LEPR: variants seen among roughly 807,000 people sequenced by gnomAD.
The protein encoded by LEPR is leptin receptor.
A neutral mutation model predicts 114.7 loss-of-function variants in LEPR; 56 were observed. That is an observed-to-expected ratio of 0.49 (90% CI 0.39 to 0.61). The LOEUF is 0.61. LEPR is among the 20% of genes least tolerant of loss of function. The pLI is 0.00. For missense variants in LEPR, 1,202 were observed against 1,352.9 expected, an observed-to-expected ratio of 0.89 and a Z score of 1.75; for synonymous variants, 443 against 461.4, an observed-to-expected ratio of 0.96 and a Z score of 0.51.
At chr1:65,424,968 C>T (rs1646330488) in intron 1 of LEPR, among the ~76,000 whole-genome samples, 1 of 152,188 alleles carries the variant, frequency 6.6e-6, no homozygotes, top group Non-Finnish European at 1.5e-5. Flanking sequence ...ATAATGCAGT[C>T]TGTAACGGGT....
intron 2 of LEPR, among the ~76,000 whole-genome samples, chr1:65,552,275 C>T (rs1652441511): frequency 6.6e-6 from 1 of 152,110 alleles, no homozygotes; most frequent in Non-Finnish European, 1.5e-5. Flanking sequence ...AATTTTCTTT[C>T]TTGTTGATCT....
At position 65,453,203 on chromosome 1, in the gene LEPR, A is replaced by G. The variant is rs1407587343; in HGVS notation, c.-21+27825A>G. Among the ~76,000 whole-genome samples, 3 of 151,924 alleles carry G rather than the reference A, an allele frequency of 2.0e-5. No individual in the cohort carries two copies. The East Asian group carries it at 5.8e-4, about 29-fold the overall frequency. ...TTATTAGTCTTGTTAGCAGTCTATC[A>G]ATTTTGTTGATCCTTTCAAAAAACC... is the stretch of plus-strand genomic sequence containing the variant. On this transcript the variant is annotated intron_variant, in intron 2 of 19. Transcript: ENST00000349533.
At position 65,636,581 on chromosome 1, in the gene LEPR, G is replaced by T. The variant is rs367890476; in HGVS notation, c.3064G>T (p.Asp1022Tyr). The T allele has an allele frequency of 3.7e-6, 6 of 1,614,060 alleles. No individual in the cohort carries two copies. Among genetic ancestry groups the T allele is most frequent in the Non-Finnish European group, 5.1e-6 (6 of 1,179,992 alleles). Residue 1022 changes from aspartate (D) to tyrosine (Y), a missense_variant, in exon 20 of 20, where the codon GAT becomes TAT. Coordinates refer to ENST00000349533, the MANE Select transcript of LEPR (RefSeq NM_002303.6). ...CTCTAGCAAAAATTCTCCGTTGAAGGATTCTTTCTCTAATAGCTCATGGGA... is the reference window on the plus strand; with the variant it reads ...CTCTAGCAAAAATTCTCCGTTGAAGTATTCTTTCTCTAATAGCTCATGGGA... The part of the protein sequence containing the change: ...CFSSKNSPLK[D>Y]SFSNSSWEIE...
At chr1:65,553,984 G>A (rs1035581483) in intron 2 of LEPR, among the ~76,000 whole-genome samples, 4 of 152,176 alleles carry the variant, frequency 2.6e-5, no homozygotes, top group African/African-American at 9.7e-5. Context: ...GTCTGATGGA[G>A]TTTGCTTGAG....
chr1:65,601,601 C>T lies in LEPR; in HGVS notation c.1204C>T (p.Arg402Ter). The change falls in exon 9 of 20, where the codon CGA becomes TGA. Residue 402 changes from arginine to a stop codon, truncating the protein, a stop_gained. Coordinates refer to ENST00000349533, the MANE Select transcript of LEPR (RefSeq NM_002303.6). LOFTEE classifies it high-confidence loss of function. ...TTTCAATCTGAATGAAACCAAACCT[C>T]GAGGAAAGTTTACCTATGATGCAGT... ...TFFNLNETKP[R>*]GKFTYDAVYC... The T allele has an allele frequency of 3.7e-6, 6 of 1,613,660 alleles. No individual in the cohort carries two copies. Among genetic ancestry groups the T allele is most frequent in the African/African-American group, 1.3e-5 (1 of 74,990 alleles).
chr1:65,621,951 A>G (rs1457174313), intron 18 of LEPR, among the ~76,000 whole-genome samples: 1 of 152,016 alleles, frequency 6.6e-6, no homozygotes, highest in Non-Finnish European at 1.5e-5. Context: ...GTGCCTGGTC[A>G]GGGAGGATGG....
At chr1:65,532,889 G>T in intron 2 of LEPR, among the ~76,000 whole-genome samples, 1 of 152,074 alleles carries the variant, frequency 6.6e-6, no homozygotes, top group East Asian at 1.9e-4. Context: ...ATAATATTTT[G>T]AAATTAGACA....
At chr1:65,532,736 G>T (rs1286455048) in intron 2 of LEPR, among the ~76,000 whole-genome samples, 1 of 152,170 alleles carries the variant, frequency 6.6e-6, no homozygotes, top group Non-Finnish European at 1.5e-5. Flanking sequence ...AGTTACTAAA[G>T]ACCCCAGGAT....
intron 2 of LEPR, among the ~76,000 whole-genome samples, chr1:65,455,287 GA>G (rs1446110965): frequency 5.9e-5 from 9 of 152,086 alleles, no homozygotes; most frequent in African/African-American, 1.9e-4. Flanking sequence ...TCAGCTCGTC[GA>G]AGTCATTCTC....
At chr1:65,515,789 G>A (rs1442196560) in intron 2 of LEPR, among the ~76,000 whole-genome samples, 1 of 152,162 alleles carries the variant, frequency 6.6e-6, no homozygotes, top group Non-Finnish European at 1.5e-5. Context: ...GTGTCCTGGA[G>A]AATTTGGGTT....
chr1:65,454,170 G>A (rs968020758), intron 2 of LEPR, among the ~76,000 whole-genome samples: 8 of 151,766 alleles, frequency 5.3e-5, no homozygotes, highest in Admixed American at 6.6e-5. Flanking sequence ...TTGAGCCTAT[G>A]TGTGTCTCTG....
intron 2 of LEPR, among the ~76,000 whole-genome samples, chr1:65,504,307 G>A (rs1180937840): frequency 5.3e-5 from 8 of 152,130 alleles, no homozygotes; most frequent in African/African-American, 1.2e-4. Context: ...AGCATGGATC[G>A]TGCATAGTGA....
At chr1:65,551,221 C>T (rs189250221) in intron 2 of LEPR, among the ~76,000 whole-genome samples, 26 of 152,104 alleles carry the variant, frequency 1.7e-4, no homozygotes, top group Admixed American at 9.8e-4. Context: ...CAGGATGATG[C>T]GGGCCTCATA....
intron 3 of LEPR, 103 bp downstream of exon 3, chr1:65,565,708 C>G: frequency 2.2e-6 from 3 of 1,386,982 alleles, no homozygotes; most frequent in Non-Finnish European, 3.1e-6. Flanking sequence ...TTTCCTATTT[C>G]TAGTTAGGAA....
intron 2 of LEPR, among the ~76,000 whole-genome samples, chr1:65,528,408 C>T (rs1279439181): frequency 2.0e-5 from 3 of 152,156 alleles, no homozygotes; most frequent in Non-Finnish European, 1.5e-5. Context: ...TCTTCAAATA[C>T]GATCTGCTTA....
At chr1:65,552,269 T>C (rs964805889) in intron 2 of LEPR, among the ~76,000 whole-genome samples, 1 of 151,984 alleles carries the variant, frequency 6.6e-6, no homozygotes, top group African/African-American at 2.4e-5. Context: ...CTTGTTAATT[T>C]TCTTTCTTGT....
chr1:65,620,000 A>G lies in LEPR; in HGVS notation c.2468A>G (p.Lys823Arg). Residue 823 changes from lysine to arginine, a missense_variant, in exon 17 of 20, where the codon AAG becomes AGG. Transcript: ENST00000349533. The part of the protein sequence containing the change: ...PIFMEGVGKP[K>R]IINSFTQDDI... The stretch of plus-strand genomic sequence containing the variant: ...TTTATGGAAGGAGTGGGAAAACCAA[A>G]GATAATTAATAGTTTCACTCAAGGT... 1 of 1,611,414 alleles carries G rather than the reference A, an allele frequency of 6.2e-7. No individual in the cohort carries two copies. The highest frequency in any genetic ancestry group is 8.5e-7 in the Non-Finnish European group (1 of 1,177,940).
At position 65,641,350 on chromosome 1, in the gene LEPR, TTC is replaced by T. The variant is rs1016939714; in HGVS notation, c.*4339_*4340del. On this transcript the variant is annotated 3_prime_UTR_variant, in exon 20 of 20. Transcript: ENST00000349533. ...AAGTGTTTGGCATGTGGTTAATACT[TTC>T]TCTTTAGTCACAACTGGTATTTTAA... is the stretch of plus-strand genomic sequence containing the variant. 1 of 152,234 alleles carries T rather than the reference TTC, an allele frequency of 6.6e-6. No homozygotes were observed. The highest frequency in any genetic ancestry group is 1.5e-5 in the Non-Finnish European group (1 of 68,032). The allele number at this position is 152,234 out of a possible 1,614,324, so 9.4% of individuals were successfully genotyped here.
intron 2 of LEPR, among the ~76,000 whole-genome samples, chr1:65,489,303 A>T (rs1167637781): frequency 6.6e-6 from 1 of 152,028 alleles, no homozygotes; most frequent in African/African-American, 2.4e-5. Flanking sequence ...TTGGATAAAA[A>T]CCTTTTTAAC....
Sources: allele counts gnomAD v4.1 joint callset (sites outside exome capture counted in the v4.1 genomes callset), GRCh38; gene constraint gnomAD v4.1.1; transcripts MANE v1.5; gene names NCBI Gene and HGNC (gene_info 2026-07-23, HGNC 2026-07-21).